The following PTPRD variants were observed in gnomAD, a reference collection of about 807,000 sequenced individuals.
The protein encoded by PTPRD is receptor-type tyrosine-protein phosphatase delta.
A neutral mutation model predicts 214.5 loss-of-function variants in PTPRD; 34 were observed. The ratio of observed to expected loss-of-function variants is 0.16; its 90% CI spans 0.12 to 0.21. The LOEUF (loss-of-function observed/expected upper bound fraction) is 0.21. Among genes scored for constraint, PTPRD ranks in the 10% least tolerant of loss-of-function variants. The pLI is 1.00. For synonymous variants in PTPRD, 1,128 were observed against 845.7 expected, an observed-to-expected ratio of 1.33 and a Z score of -5.79; for missense variants, 2,545 against 2,398.7, an observed-to-expected ratio of 1.06 and a Z score of -1.27.
intron 11 of PTPRD, among the ~76,000 whole-genome samples, chr9:8,843,835 C>T (rs530340018): frequency 6.6e-6 from 1 of 152,204 alleles, no homozygotes; most frequent in South Asian, 2.1e-4. Context: ...AAAGGACTGG[C>T]CTTAGGTTCC....
intron 2 of PTPRD, among the ~76,000 whole-genome samples, chr9:10,607,599 G>A (rs2079798303): frequency 6.6e-6 from 1 of 151,684 alleles, no homozygotes; most frequent in Admixed American, 6.6e-5. Flanking sequence ...GATTTAAAAT[G>A]TACATTTCAT....
At chr9:10,597,375 T>C (rs958005052) in intron 2 of PTPRD, among the ~76,000 whole-genome samples, 1 of 151,810 alleles carries the variant, frequency 6.6e-6, no homozygotes, top group Non-Finnish European at 1.5e-5. Flanking sequence ...CGAATGAATA[T>C]GCTTTGAGCA....
At chr9:9,360,649 C>G (rs900677204) in intron 9 of PTPRD, among the ~76,000 whole-genome samples, 1 of 151,120 alleles carries the variant, frequency 6.6e-6, no homozygotes, top group Admixed American at 6.6e-5. Context: ...ACAATCTAGT[C>G]ATGGTATCAA....
At chr9:10,469,944 G>GAA (rs534266855) in intron 2 of PTPRD, among the ~76,000 whole-genome samples, 6,239 of 140,622 alleles carry the variant, frequency 0.044, 444 homozygotes, top group African/African-American at 0.15. Context: ...TGTGAGAGCT[G>GAA]AAAAAAAAAA....
At chr9:8,485,380 C>G (rs2135873135) in intron 28 of PTPRD, 56 bp from the exon 29 acceptor site, 2 of 1,253,534 alleles carry the variant, frequency 1.6e-6, no homozygotes, top group Non-Finnish European at 2.3e-6. Flanking sequence ...GATGACCTGT[C>G]CTTTCCACCA....
chr9:9,614,524 T>C (rs2094732219), intron 7 of PTPRD, among the ~76,000 whole-genome samples: 2 of 152,214 alleles, frequency 1.3e-5, no homozygotes, highest in South Asian at 4.1e-4. Flanking sequence ...TCAGAAGTTA[T>C]CATGGTCTAT....
At chr9:9,305,554 G>T (rs919850710) in intron 9 of PTPRD, among the ~76,000 whole-genome samples, 2 of 151,940 alleles carry the variant, frequency 1.3e-5, no homozygotes, top group African/African-American at 4.8e-5. Context: ...ATTCAATAGC[G>T]CCTCTCTCTT....
At chr9:9,956,031 T>A (rs1284038985) in intron 4 of PTPRD, among the ~76,000 whole-genome samples, 1 of 152,142 alleles carries the variant, frequency 6.6e-6, no homozygotes, top group Non-Finnish European at 1.5e-5. Context: ...TTTGCAAATG[T>A]ACCAACCCAC....
At position 9,440,104 on chromosome 9, in the gene PTPRD, G is replaced by T. The variant is rs550309773; in HGVS notation, c.-236-42622C>A. On this transcript the variant is annotated intron_variant, in intron 8 of 45. Transcript: ENST00000381196. The stretch of plus-strand genomic sequence containing the variant: ...TGATTGAATTCTGCATTTTAATACA[G>T]TTCAATGAAAATATCATTATATATA... Among the ~76,000 whole-genome samples, 5 of 152,202 alleles carry T rather than the reference G, an allele frequency of 3.3e-5. No homozygotes were observed. In the South Asian group the frequency reaches 8.3e-4, roughly 25 times the overall value.
chr9:8,785,331 T>C (rs907433658), intron 11 of PTPRD, among the ~76,000 whole-genome samples: 1 of 152,336 alleles, frequency 6.6e-6, no homozygotes, highest in East Asian at 1.9e-4. Context: ...GAATTACCCA[T>C]GGTTTTAATC....
intron 9 of PTPRD, among the ~76,000 whole-genome samples, chr9:9,307,902 C>T (rs1217234034): frequency 6.6e-6 from 1 of 152,188 alleles, no homozygotes; most frequent in Non-Finnish European, 1.5e-5. Flanking sequence ...TTTGCCTCCA[C>T]AGCGACTTTG....
At chr9:10,098,057 G>A (rs889849266) in intron 3 of PTPRD, among the ~76,000 whole-genome samples, 11 of 151,536 alleles carry the variant, frequency 7.3e-5, no homozygotes, top group Admixed American at 2.0e-4. Context: ...TGTTTATTGC[G>A]GCACTATTCA....
intron 9 of PTPRD, among the ~76,000 whole-genome samples, chr9:9,299,685 G>C (rs758536455): frequency 6.6e-6 from 1 of 151,368 alleles, no homozygotes. Flanking sequence ...AAGTATTTTT[G>C]ATTAAAGGTG....
intron 7 of PTPRD, among the ~76,000 whole-genome samples, chr9:9,595,844 G>A (rs2093307302): frequency 6.6e-6 from 1 of 151,878 alleles, no homozygotes; most frequent in South Asian, 2.1e-4. Context: ...TGGGTGTAGT[G>A]TATACTGCTC....
intron 11 of PTPRD, among the ~76,000 whole-genome samples, chr9:8,965,049 A>T (rs2154323714): frequency 6.6e-6 from 1 of 152,220 alleles, no homozygotes; most frequent in South Asian, 2.1e-4. Flanking sequence ...ATGTCTATTA[A>T]GTCCAGTTGG....
intron 2 of PTPRD, among the ~76,000 whole-genome samples, chr9:10,469,015 A>G (rs1247394479): frequency 1.3e-5 from 2 of 152,140 alleles, no homozygotes; most frequent in Non-Finnish European, 2.9e-5. Flanking sequence ...CCCAAAACCT[A>G]TAGTAAATAA....
chr9:8,767,671 A>T (rs1310655299), intron 11 of PTPRD, among the ~76,000 whole-genome samples: 1 of 152,180 alleles, frequency 6.6e-6, no homozygotes, highest in African/African-American at 2.4e-5. Flanking sequence ...CATACAATAG[A>T]ATTATCAGGG....
At position 10,256,395 on chromosome 9, in the gene PTPRD, C is replaced by CTT. The variant is rs35833315; in HGVS notation, c.-545+84566_-545+84567dup. On this transcript the variant is annotated intron_variant, in intron 3 of 45. Transcript: ENST00000381196. ...CCTGAGGGACCTGCTTGAATTACAGCTTTTTTTTTTTTTAATAAGTAGGAG... is the reference window on the plus strand; with the variant it reads ...CCTGAGGGACCTGCTTGAATTACAGCTTTTTTTTTTTTTTTAATAAGTAGGAG... Among the ~76,000 whole-genome samples the CTT allele has an allele frequency of 1.3e-3, 190 of 144,654 alleles. 1 individual carries two copies. The South Asian group carries it at 0.025, about 19-fold the overall frequency. The allele number at this position is 144,654 out of a possible 152,430, so 94.9% of individuals were successfully genotyped here.
chr9:8,423,356 C>A (rs1318118178), intron 35 of PTPRD, among the ~76,000 whole-genome samples: 1 of 152,142 alleles, frequency 6.6e-6, no homozygotes, highest in Non-Finnish European at 1.5e-5. Flanking sequence ...TGTAGGTAGG[C>A]AGTGGTTTTG....
Sources: allele counts gnomAD v4.1 joint callset (sites outside exome capture counted in the v4.1 genomes callset), GRCh38; gene constraint gnomAD v4.1.1; transcripts MANE v1.5; gene names NCBI Gene and HGNC (gene_info 2026-07-23, HGNC 2026-07-21).